Variants in ITIH1 observed in about 807,000 individuals in gnomAD.
The protein encoded by ITIH1 is inter-alpha-trypsin inhibitor heavy chain H1.
Under a neutral mutation model 104.6 loss-of-function variants are expected in ITIH1, and 94 were observed. The ratio of observed to expected loss-of-function variants is 0.90; its 90% CI spans 0.76 to 1.07. ITIH1 has a LOEUF of 1.07. Among genes scored for constraint, ITIH1 ranks in the 50% least tolerant of loss-of-function variants. ITIH1 has a pLI of 0.00. For missense variants in ITIH1, 1,193 were observed against 1,181.4 expected (o/e 1.01, Z -0.14); for synonymous variants, 455 against 464.4 (o/e 0.98, Z 0.26).
Position 52,791,559 on chromosome 3 carries a change from A to C in ITIH1, c.2537A>C (p.His846Pro). Residue 846 changes from histidine (H) to proline (P), a missense_variant, in exon 21 of 22, where the codon CAC (histidine) becomes CCC (proline). Transcript: ENST00000273283. ...HPIGFEVSDI[H>P]PGSDPTKPDA... The stretch of plus-strand genomic sequence containing the variant: ...ATCGGTTTTGAAGTGTCTGACATCC[A>C]CCCAGGCTCTGACCCCACAAAGCCA... 6.2e-7 allele frequency: 1 copy of C among 1,614,070 alleles called. No homozygotes were observed. The highest frequency in any genetic ancestry group is 8.5e-7 in the Non-Finnish European group (1 of 1,180,002).
chr3:52,782,946 T>C lies in ITIH1; in HGVS notation c.931-11T>C. ...GGCCCTGTCTGTCTACTGACTGTTCTGTCCTTGCAGACCAAGGAGGCACTC... is the reference window on the plus strand; with the variant it reads ...GGCCCTGTCTGTCTACTGACTGTTCCGTCCTTGCAGACCAAGGAGGCACTC... On this transcript the variant is annotated splice_polypyrimidine_tract_variant and intron_variant, in intron 8 of 21. Transcript: ENST00000273283. 1 of 1,613,656 alleles carries C rather than the reference T, an allele frequency of 6.2e-7. No homozygotes were observed. Among genetic ancestry groups the C allele is most frequent in the Admixed American group, 1.7e-5 (1 of 60,014 alleles).
intron 14 of ITIH1, 25 bp downstream of exon 14, chr3:52,787,124 A>G (rs369273411): frequency 1.1e-4 from 183 of 1,614,074 alleles, no homozygotes; most frequent in Non-Finnish European, 1.5e-4. Context: ...GGTCTACAGA[A>G]GGGAGAGGCC....
At chr3:52,788,169 C>T in intron 17 of ITIH1, 63 bp from the exon 18 acceptor site, 1 of 1,517,142 alleles carries the variant, frequency 6.6e-7, no homozygotes, top group Non-Finnish European at 9.1e-7. Flanking sequence ...AGCTGAACCC[C>T]AACCCCTGGC....
chr3:52,786,288 C>T lies in ITIH1; in HGVS notation c.1594-7C>T, dbSNP rs1163235105. ...TGCACCACCCCTCTCTGTACCTCAA[C>T]TCTCAGGAGGGACAAGAATTCAGTA... On this transcript the variant is annotated splice_region_variant and splice_polypyrimidine_tract_variant and intron_variant, in intron 12 of 21. Coordinates refer to ENST00000273283, the MANE Select transcript of ITIH1 (RefSeq NM_002215.4). The T allele has an allele frequency of 6.4e-7, 1 of 1,566,590 alleles. No homozygotes were observed. Among genetic ancestry groups the T allele is most frequent in the Non-Finnish European group, 8.7e-7 (1 of 1,154,240 alleles).
At chr3:52,787,933 T>C in intron 16 of ITIH1, 53 bp from the exon 17 acceptor site, 1 of 1,530,466 alleles carries the variant, frequency 6.5e-7, no homozygotes, top group South Asian at 1.1e-5. Flanking sequence ...GATCAGCAGC[T>C]CCAGGGAAGG....
chr3:52,779,059 C>G lies in ITIH1; in HGVS notation c.410+13C>G. On this transcript the variant is annotated intron_variant, in intron 4 of 21. Transcript: ENST00000273283. This position sits in a 1 kb window ranked among gnomAD's most constrained non-coding sequence, Gnocchi z 4.4. ...CCGGCCTTGTCAGGTGAGTTCTGGGCCTGCTGGTCTCATCTCTAGGGCTGC... is the reference window on the plus strand; with the variant it reads ...CCGGCCTTGTCAGGTGAGTTCTGGGGCTGCTGGTCTCATCTCTAGGGCTGC... The G allele has an allele frequency of 6.4e-7, 1 of 1,571,966 alleles. No homozygotes were observed. The highest frequency in any genetic ancestry group is 8.8e-7 in the Non-Finnish European group (1 of 1,141,508).
chr3:52,792,054 C>A lies in ITIH1; in HGVS notation c.*143C>A. On this transcript the variant is annotated 3_prime_UTR_variant, in exon 22 of 22. Transcript: ENST00000273283. ...CCTCATGCCTTCCATTAAAGAGAGG[C>A]CGTGTCCACCCTGAGCTGGCTGATT... The A allele has an allele frequency of 1.1e-6, 1 of 937,722 alleles. No homozygotes were observed. The highest frequency in any genetic ancestry group is 1.6e-6 in the Non-Finnish European group (1 of 643,918). The allele number at this position is 937,722 out of a possible 1,614,324, so 58.1% of individuals were successfully genotyped here. A position where few individuals can be genotyped will look rare whatever the true frequency, so the allele number is the denominator to read the frequency against.
intron 6 of ITIH1, 75 bp from the exon 7 acceptor site, chr3:52,781,865 T>C: frequency 6.4e-7 from 1 of 1,573,946 alleles, no homozygotes; most frequent in East Asian, 2.3e-5. Flanking sequence ...ACGCATGCCT[T>C]CTTATGTTGT....
intron 16 of ITIH1, 28 bp downstream of exon 16, chr3:52,787,640 C>T: frequency 1.9e-6 from 3 of 1,612,194 alleles, no homozygotes; most frequent in Non-Finnish European, 2.5e-6. Flanking sequence ...TGGCCATTCA[C>T]ATCTCTACCC....
chr3:52,785,732 T>C (rs891563069), intron 12 of ITIH1, among the ~76,000 whole-genome samples: 11 of 152,356 alleles, frequency 7.2e-5, no homozygotes, highest in African/African-American at 2.6e-4. Flanking sequence ...AGAGTTGAGC[T>C]GGACCTTGGC....
chr3:52,788,121 GCTGTCTCTCTCTCT>G (rs1699251108), intron 17 of ITIH1, 55 bp downstream of exon 17: 11 of 1,535,198 alleles, frequency 7.2e-6, no homozygotes, highest in Non-Finnish European at 8.0e-6. Flanking sequence ...ACCCTATCTG[GCTGTCTCTCTCTCT>G]CTGTCTCTCT....
rs1699220772 is a variant in ITIH1 at position 52,787,014 on chromosome 3, G to T, written c.1803G>T (p.Gly601=). 1 of 1,614,082 alleles carries T rather than the reference G, an allele frequency of 6.2e-7. No individual in the cohort carries two copies. Among genetic ancestry groups the T allele is most frequent in the African/African-American group, 1.3e-5 (1 of 74,930 alleles). The change falls in exon 14 of 22, where the codon GGG becomes GGT. Residue 601 remains glycine, a synonymous_variant. Transcript: ENST00000273283. ...SQALQMSLDY[G]FVTPLTSMSI... is the part of the protein sequence containing the mutation. ...CCCTGCAGATGTCGCTGGACTATGG[G>T]TTTGTGACCCCACTGACCTCCATGA...
chr3:52,782,210 G>T lies in ITIH1; in HGVS notation c.873G>T (p.Lys291Asn), dbSNP rs778409674. The change falls in exon 8 of 22, where the codon AAG becomes AAT. Residue 291 changes from lysine to asparagine, a missense_variant. Coordinates refer to ENST00000273283, the MANE Select transcript of ITIH1 (RefSeq NM_002215.4). ...FAPQNLTNMN[K>N]NVVFVIDISG... ...CCCAAAACCTGACAAACATGAACAAGAACGTGGTTTTTGTGATTGACATCA... is the reference window on the plus strand; with the variant it reads ...CCCAAAACCTGACAAACATGAACAATAACGTGGTTTTTGTGATTGACATCA... 1.7e-5 allele frequency: 27 copies of T among 1,614,036 alleles called. 1 individual carries two copies. The South Asian group carries it at 3.0e-4, about 18-fold the overall frequency.
rs903117162 is a variant in ITIH1, at chr3:52,778,472, A to G, written c.271A>G (p.Ile91Val). ...CAGGGAAGTGGCCTTCGACCTGGAA[A>G]TCCCCAAGACAGCATTCATCAGTGA... ...EAREVAFDLEIPKTAFISDFA... is the reference protein window; with the variant it reads ...EAREVAFDLEVPKTAFISDFA... The change falls in exon 3 of 22, where the codon ATC becomes GTC. Residue 91 changes from isoleucine (I) to valine (V), a missense_variant. Transcript: ENST00000273283. 3 of 1,614,106 alleles carry G rather than the reference A, an allele frequency of 1.9e-6. No individual in the cohort carries two copies. The highest frequency in any genetic ancestry group is 2.7e-5 in the African/African-American group (2 of 74,932).
intron 6 of ITIH1, among the ~76,000 whole-genome samples, chr3:52,781,219 TC>T (rs1210015047): frequency 9.2e-5 from 4 of 43,458 alleles, no homozygotes; most frequent in African/African-American, 3.5e-4. Context: ...TTCTTCTTCT[TC>T]TTCTTCTTCT....
intron 6 of ITIH1, 70 bp downstream of exon 6, chr3:52,780,452 A>G: frequency 1.9e-6 from 2 of 1,075,612 alleles, no homozygotes; most frequent in Non-Finnish European, 2.8e-6. Context: ...CCCTTATGGA[A>G]TGTCCAGCCT....
chr3:52,780,201 G>A, intron 5 of ITIH1, 68 bp from the exon 6 acceptor site: 1 of 1,310,866 alleles, frequency 7.6e-7, no homozygotes, highest in Non-Finnish European at 1.1e-6. Context: ...GGAGTTTGAG[G>A]CCAGCCTGGG....
At chr3:52,786,202 T>G (rs917597806) in intron 12 of ITIH1, 93 bp from the exon 13 acceptor site, 1 of 1,288,912 alleles carries the variant, frequency 7.8e-7, no homozygotes, top group African/African-American at 1.5e-5. Flanking sequence ...AAGCTGCAGA[T>G]ACCAGACGAA....
chr3:52,779,400 C>T lies in ITIH1; in HGVS notation c.411-32C>T, dbSNP rs756923741. 14 of 1,612,594 alleles carry T rather than the reference C, an allele frequency of 8.7e-6. No individual in the cohort carries two copies. Among genetic ancestry groups the T allele is most frequent in the Non-Finnish European group, 1.1e-5 (13 of 1,178,652 alleles). The stretch of plus-strand genomic sequence containing the variant: ...GACCCAAATGTCATTTACCCTCTGT[C>T]TGTCTGCTGTTGCCTCTGGTGGCAC... On this transcript the variant is annotated intron_variant, in intron 4 of 21. Transcript: ENST00000273283. The surrounding 1 kb of genome is among the most constrained non-coding windows in gnomAD (Gnocchi z 4.4).
Sources: allele counts gnomAD v4.1 joint callset (sites outside exome capture counted in the v4.1 genomes callset), GRCh38; gene constraint gnomAD v4.1.1; non-coding constraint Gnocchi (gnomAD v3.1); transcripts MANE v1.5; gene names NCBI Gene and HGNC (gene_info 2026-07-23, HGNC 2026-07-21).